The following C2orf92 variants were observed in gnomAD, a reference collection of about 807,000 sequenced individuals.
C2orf92 encodes the protein uncharacterized protein C2orf92.
At chr2:97,673,741 G>A (rs1675486601) in intron 1 of C2orf92, among the ~76,000 whole-genome samples, 1 of 152,114 alleles carries the variant, frequency 6.6e-6, no homozygotes, top group East Asian at 1.9e-4. Context: ...GGCTCGGGGA[G>A]GCACACCACA....
At chr2:97,673,989 G>A (rs149266632) in intron 1 of C2orf92, among the ~76,000 whole-genome samples, 67 of 152,288 alleles carry the variant, frequency 4.4e-4, no homozygotes, top group Admixed American at 1.1e-3. Flanking sequence ...TTGCTGTACC[G>A]GTTAAGAATG....
intron 5 of C2orf92, 93 bp downstream of exon 5, chr2:97,690,420 G>A (rs1402464048): frequency 2.4e-5 from 9 of 381,722 alleles, no homozygotes; most frequent in Non-Finnish European, 4.2e-5. Context: ...TCACTCTGTT[G>A]CCCAGGCTGG....
intron 3 of C2orf92, among the ~76,000 whole-genome samples, chr2:97,679,730 G>A (rs748131761): frequency 2.0e-5 from 3 of 151,070 alleles, no homozygotes; most frequent in Non-Finnish European, 3.0e-5. Context: ...CCAGCTACTC[G>A]GGAGCCTGAG....
intron 3 of C2orf92, among the ~76,000 whole-genome samples, chr2:97,679,237 C>T (rs1675681834): frequency 6.6e-6 from 1 of 151,618 alleles, no homozygotes; most frequent in Non-Finnish European, 1.5e-5. Flanking sequence ...CTTTAGGTTT[C>T]ATCTATAACT....
intron 5 of C2orf92, among the ~76,000 whole-genome samples, chr2:97,692,358 T>G (rs1327462547): frequency 1.3e-5 from 2 of 152,026 alleles, no homozygotes; most frequent in Admixed American, 1.3e-4. Context: ...TTTTATGTCC[T>G]ATTGCCTTGT....
At position 97,699,059 on chromosome 2, in the gene C2orf92, C is replaced by G; in HGVS notation, c.437C>G (p.Ser146Cys). Reference protein sequence around the residue: ...HLSEEKNFKESCLFDRDLREQ... With the variant: ...HLSEEKNFKECCLFDRDLREQ... ...TCAGAGGAGAAGAATTTTAAAGAAT[C>G]CTGTCTGTTCGACAGGGATTTAAGA... Residue 146 changes from serine to cysteine, a missense_variant, in exon 6 of 8, where the codon TCC becomes TGC. Ser to Cys is a moderately radical substitution (Grantham distance 112). Transcript: ENST00000627399. 1 of 398,534 alleles carries G rather than the reference C, an allele frequency of 2.5e-6. No homozygotes were observed. The highest frequency in any genetic ancestry group is 3.6e-5 in the East Asian group (1 of 28,064). The allele number at this position is 398,534 out of a possible 1,614,324, so 24.7% of individuals were successfully genotyped here. A position where few individuals can be genotyped will look rare whatever the true frequency, so the allele number is the denominator to read the frequency against.
upstream of C2orf92, chr2:97,669,627 A>C: frequency 2.5e-6 from 1 of 392,790 alleles, no homozygotes; most frequent in Middle Eastern, 6.4e-4. Context: ...GTCCACAGAC[A>C]CAGGCCCTTC....
At chr2:97,673,447 A>C (rs567208278) in intron 1 of C2orf92, among the ~76,000 whole-genome samples, 1 of 152,134 alleles carries the variant, frequency 6.6e-6, no homozygotes, top group African/African-American at 2.4e-5. Flanking sequence ...CTTGCATGTC[A>C]CACACTGGCC....
chr2:97,678,028 G>A (rs1351696538), intron 3 of C2orf92, among the ~76,000 whole-genome samples: 2 of 151,910 alleles, frequency 1.3e-5, no homozygotes, highest in African/African-American at 4.8e-5. Context: ...GTGAAATCCC[G>A]TCTCTACTAA....
chr2:97,666,716 G>A (rs941408860), upstream of C2orf92, among the ~76,000 whole-genome samples: 3 of 151,534 alleles, frequency 2.0e-5, no homozygotes, highest in Non-Finnish European at 2.9e-5. Context: ...GATGTTGTGC[G>A]CCTGTAGTGC....
chr2:97,676,433 C>CAAAAA (rs1302287547), intron 3 of C2orf92, among the ~76,000 whole-genome samples: 7 of 31,104 alleles, frequency 2.3e-4, no homozygotes, highest in African/African-American at 8.6e-4. Flanking sequence ...GACTCCATCT[C>CAAAAA]AAAAAAAAAA....
intron 3 of C2orf92, among the ~76,000 whole-genome samples, chr2:97,680,961 G>T (rs1261769560): frequency 6.6e-6 from 1 of 150,828 alleles, no homozygotes; most frequent in Non-Finnish European, 1.5e-5. Flanking sequence ...CCAAAAATTA[G>T]CTGGGCATGG....
chr2:97,695,493 C>G (rs879056155), intron 5 of C2orf92, among the ~76,000 whole-genome samples: 9 of 152,206 alleles, frequency 5.9e-5, no homozygotes, highest in Admixed American at 2.6e-4. Flanking sequence ...GATACCTCAG[C>G]CCCTGAATAA....
At chr2:97,680,646 G>T (rs1675737549) in intron 3 of C2orf92, among the ~76,000 whole-genome samples, 1 of 152,210 alleles carries the variant, frequency 6.6e-6, no homozygotes, top group South Asian at 2.1e-4. Context: ...GACAGAAGAG[G>T]CCAGGGGCGG....
intron 3 of C2orf92, among the ~76,000 whole-genome samples, chr2:97,686,193 G>A (rs1443825961): frequency 2.6e-5 from 4 of 152,246 alleles, no homozygotes; most frequent in Admixed American, 2.0e-4. Context: ...GCAAGGGAGG[G>A]CTGAACTTGT....
chr2:97,681,324 G>T (rs76252610), intron 3 of C2orf92, among the ~76,000 whole-genome samples: 50 of 152,196 alleles, frequency 3.3e-4, no homozygotes, highest in African/African-American at 1.0e-3. Flanking sequence ...GAAAAAGACT[G>T]AAATAATACA....
chr2:97,693,744 G>A (rs1451573167), intron 5 of C2orf92, among the ~76,000 whole-genome samples: 1 of 152,118 alleles, frequency 6.6e-6, no homozygotes, highest in African/African-American at 2.4e-5. Context: ...AGAGTGGCAG[G>A]GGATTGGAAG....
At chr2:97,665,729 CTCTCTCTCTA>C (rs1397983762), upstream of C2orf92, 99 of 27,584 alleles carry the variant, frequency 3.6e-3, 1 homozygote, top group Admixed American at 6.9e-3. Context: ...CTCTCTCTCT[CTCTCTCTCTA>C]TATATATATA....
At chr2:97,674,749 A>G (rs1675521819) in intron 2 of C2orf92, among the ~76,000 whole-genome samples, 192 bp downstream of exon 2, 1 of 152,122 alleles carries the variant, frequency 6.6e-6, no homozygotes, top group African/African-American at 2.4e-5. Flanking sequence ...GGGAGTCTAT[A>G]GGCTTCAGTG....
Sources: allele counts gnomAD v4.1 joint callset (sites outside exome capture counted in the v4.1 genomes callset), GRCh38; gene constraint gnomAD v4.1.1; transcripts MANE v1.5; gene names NCBI Gene and HGNC (gene_info 2026-07-23, HGNC 2026-07-21).